SHANK2: variants seen among roughly 807,000 people sequenced by gnomAD.
SHANK2 encodes SH3 and multiple ankyrin repeat domains protein 2.
Under a neutral mutation model 133.7 loss-of-function variants are expected in SHANK2, and 43 were observed. The ratio of observed to expected loss-of-function variants is 0.32; its 90% confidence interval spans 0.25 to 0.41. SHANK2 has a LOEUF of 0.41. Among genes scored for constraint, SHANK2 ranks in the 10% least tolerant of loss-of-function variants. The probability of loss-of-function intolerance (pLI) is 1.00; values close to 1 mark genes in which losing one functional copy is unlikely to be tolerated. For synonymous variants in SHANK2, 1,017 were observed against 952.8 expected (o/e 1.07, Z -1.24); for missense variants, 1,994 against 2,235.8 (o/e 0.89, Z 2.18).
intron 14 of SHANK2, among the ~76,000 whole-genome samples, chr11:70,700,337 G>T (rs1465341213): frequency 1.3e-5 from 2 of 152,174 alleles, no homozygotes; most frequent in Non-Finnish European, 2.9e-5. Context: ...CACCCAGGGA[G>T]TGGGGCACAC....
chr11:71,168,585 T>G (rs1420832856), intron 2 of SHANK2, among the ~76,000 whole-genome samples: 1 of 152,100 alleles, frequency 6.6e-6, no homozygotes, highest in Non-Finnish European at 1.5e-5. Context: ...CACTTCAGGA[T>G]GCCGAGGCTG....
chr11:71,196,278 T>C (rs575376859), intron 2 of SHANK2, among the ~76,000 whole-genome samples: 5 of 152,082 alleles, frequency 3.3e-5, no homozygotes, highest in Non-Finnish European at 7.4e-5. Context: ...AACCCACCTC[T>C]GGTTTTTTGT....
chr11:70,838,755 A>G lies in SHANK2; in HGVS notation c.1175-18073T>C, dbSNP rs141222464. ...TCACTCTGCACAGGCCGATTCAACA[A>G]TCCAAAAGGAATTTATGTGTAGACT... On this transcript the variant is annotated intron_variant, in intron 11 of 25. Coordinates refer to ENST00000601538, the MANE Select transcript of SHANK2 (RefSeq NM_012309.5). Among the ~76,000 whole-genome samples the G allele has an allele frequency of 9.3e-4, 141 of 152,292 alleles. 1 individual carries two copies. The East Asian group carries it at 0.026, about 29-fold the overall frequency.
chr11:71,244,486 G>A (rs1179116162), intron 1 of SHANK2, among the ~76,000 whole-genome samples: 3 of 152,208 alleles, frequency 2.0e-5, no homozygotes, highest in Admixed American at 1.3e-4. Context: ...CAGCCTATTC[G>A]AGAGATCTAT....
intron 17 of SHANK2, among the ~76,000 whole-genome samples, chr11:70,583,655 C>G (rs2060212016): frequency 6.6e-6 from 1 of 152,196 alleles, no homozygotes; most frequent in Non-Finnish European, 1.5e-5. Context: ...CCCCCTCCAT[C>G]TTGAGTGGCT....
chr11:70,719,539 C>G (rs1435830536), intron 14 of SHANK2, among the ~76,000 whole-genome samples: 1 of 152,042 alleles, frequency 6.6e-6, no homozygotes, highest in Non-Finnish European at 1.5e-5. Flanking sequence ...GGTGCAGAAC[C>G]CTGACCTACG....
intron 17 of SHANK2, among the ~76,000 whole-genome samples, chr11:70,640,807 G>C (rs1399692890): frequency 2.6e-5 from 4 of 152,240 alleles, no homozygotes; most frequent in African/African-American, 9.6e-5. Flanking sequence ...CTGTAAAACG[G>C]AGAGTCAGGC....
intron 8 of SHANK2, among the ~76,000 whole-genome samples, chr11:71,075,670 T>C (rs893043350): frequency 6.6e-6 from 1 of 152,220 alleles, no homozygotes; most frequent in Non-Finnish European, 1.5e-5. Context: ...CGGCTTCAGT[T>C]ACCCAAGCTC....
intron 17 of SHANK2, among the ~76,000 whole-genome samples, chr11:70,585,821 T>C (rs1444775376): frequency 2.1e-5 from 3 of 140,780 alleles, no homozygotes; most frequent in Admixed American, 7.2e-5. Flanking sequence ...CATCTATCCA[T>C]TTGCTCACCC....
intron 10 of SHANK2, chr11:70,951,090 T>C: frequency 3.1e-6 from 1 of 323,378 alleles, no homozygotes; most frequent in Non-Finnish European, 6.0e-6. Flanking sequence ...AGGAGTTGCA[T>C]TCATCTCCCC....
In SHANK2 at chr11:71,238,734, T is replaced by C. The variant is rs561384536; in HGVS notation, c.-113+13691A>G. Among the ~76,000 whole-genome samples, 11 of 152,356 alleles carry C rather than the reference T, an allele frequency of 7.2e-5. No homozygotes were observed. In the South Asian group the frequency reaches 1.9e-3, roughly 26 times the overall value. On this transcript the variant is annotated intron_variant, in intron 1 of 25. Coordinates refer to ENST00000601538, the MANE Select transcript of SHANK2 (RefSeq NM_012309.5). ...TCAACTCTGCTGGGCAAATGCACTG[T>C]CTGTGGCCAGAGCTTGCTCGAGTCA... is the stretch of plus-strand genomic sequence containing the variant.
chr11:70,794,061 C>T (rs1315349839), intron 14 of SHANK2, among the ~76,000 whole-genome samples: 1 of 151,896 alleles, frequency 6.6e-6, no homozygotes, highest in African/African-American at 2.4e-5. Context: ...CAGGTGGATC[C>T]CTTGAGGTCA....
intron 14 of SHANK2, among the ~76,000 whole-genome samples, chr11:70,732,176 A>G (rs528796796): frequency 3.3e-5 from 5 of 152,152 alleles, no homozygotes; most frequent in African/African-American, 7.2e-5. Flanking sequence ...AACTCGCCCA[A>G]CATCACACGT....
intron 17 of SHANK2, among the ~76,000 whole-genome samples, chr11:70,556,679 C>T (rs1195778649): frequency 6.6e-6 from 1 of 151,508 alleles, no homozygotes; most frequent in Non-Finnish European, 1.5e-5. Flanking sequence ...GTAGTCTCAG[C>T]CTCCCAGGAT....
At chr11:71,075,717 G>A (rs1390764180) in intron 8 of SHANK2, among the ~76,000 whole-genome samples, 1 of 151,956 alleles carries the variant, frequency 6.6e-6, no homozygotes, top group Non-Finnish European at 1.5e-5. Flanking sequence ...GGCCAGGAGA[G>A]GCCTTCACAG....
intron 17 of SHANK2, among the ~76,000 whole-genome samples, chr11:70,648,379 A>T (rs1321025804): frequency 6.6e-6 from 1 of 152,250 alleles, no homozygotes; most frequent in Non-Finnish European, 1.5e-5. Flanking sequence ...TAACAGACAC[A>T]TATAAAGAAG....
chr11:71,153,299 C>T (rs1320359156), intron 2 of SHANK2, among the ~76,000 whole-genome samples: 4 of 107,160 alleles, frequency 3.7e-5, no homozygotes, highest in Admixed American at 1.1e-4. Context: ...GGGTCGGGGG[C>T]GGGGGAGAGG....
intron 17 of SHANK2, among the ~76,000 whole-genome samples, chr11:70,554,048 G>A (rs974897332): frequency 6.6e-6 from 1 of 152,236 alleles, no homozygotes; most frequent in African/African-American, 2.4e-5. Flanking sequence ...GGAAGTCCCC[G>A]CTGGGGATGA....
At chr11:70,698,616 G>A in intron 15 of SHANK2, 72 bp downstream of exon 15, 2 of 717,566 alleles carry the variant, frequency 2.8e-6, no homozygotes, top group Non-Finnish European at 5.2e-6. Flanking sequence ...ATGCAAGATG[G>A]TCCAAAGCAT....
Sources: gnomAD v4.1 joint callset for allele counts (sites outside exome capture counted in the v4.1 genomes callset) on GRCh38, gnomAD v4.1.1 for gene constraint, MANE v1.5 for transcripts, NCBI Gene and HGNC (gene_info 2026-07-23, HGNC 2026-07-21) for gene names.